CDK10: variants seen among roughly 807,000 people sequenced by gnomAD.
CDK10 encodes the protein cyclin-dependent kinase 10.
In CDK10, 55 loss-of-function variants were observed where a neutral mutation model predicts 51.0. The observed-to-expected ratio is 1.08, with a 90% CI of 0.87 to 1.35. The LOEUF is 1.35. Ranked by LOEUF, CDK10 falls within the 40% of genes most tolerant of loss-of-function variation. The probability of loss-of-function intolerance (pLI) is 0.00; values close to 1 mark genes in which losing one functional copy is unlikely to be tolerated. For missense variants in CDK10, 589 were observed against 485.1 expected, an observed-to-expected ratio of 1.21 and a Z score of -2.01; for synonymous variants, 255 against 199.1, an observed-to-expected ratio of 1.28 and a Z score of -2.36.
chr16:89,693,291 A>G lies in CDK10; in HGVS notation c.503A>G (p.Asn168Ser), dbSNP rs56340740. The G allele has an allele frequency of 6.2e-7, 1 of 1,614,132 alleles. No homozygotes were observed. Among genetic ancestry groups the G allele is most frequent in the Non-Finnish European group, 8.5e-7 (1 of 1,180,018 alleles). The change falls in exon 7 of 13, where the codon AAC (asparagine) becomes AGC (serine). Residue 168 changes from asparagine (N) to serine (S), a missense_variant. By Grantham distance (46) the Asn-to-Ser change is conservative. Coordinates refer to ENST00000353379, the MANE Select transcript of CDK10 (RefSeq NM_052988.5). ...FIIHRDLKVS[N>S]LLMTDKGCVK... ...CATCACAGGGACCTGAAGGTTTCCA[A>G]CTTGCTCATGACCGACAAGGGTTGT...
intron 4 of CDK10, 108 bp from the exon 5 acceptor site, chr16:89,691,697 AG>A: frequency 7.8e-7 from 1 of 1,277,154 alleles, no homozygotes; most frequent in Non-Finnish European, 1.1e-6. Flanking sequence ...CCATTGTCTG[AG>A]GGGGACACAG....
intron 6 of CDK10, 101 bp from the exon 7 acceptor site, chr16:89,693,173 C>T: frequency 1.0e-6 from 1 of 1,002,844 alleles, no homozygotes; most frequent in Non-Finnish European, 1.5e-6. Flanking sequence ...AAGCCCAAAG[C>T]TGAGGAAACG....
chr16:89,693,153 A>T, intron 6 of CDK10, 121 bp from the exon 7 acceptor site: 6 of 757,860 alleles, frequency 7.9e-6, no homozygotes, highest in Non-Finnish European at 1.3e-5. Flanking sequence ...AAAAAAAAAA[A>T]GATACTAAAA....
chr16:89,693,341 G>A lies in CDK10; in HGVS notation c.538+15G>A. 3 of 1,614,028 alleles carry A rather than the reference G, an allele frequency of 1.9e-6. No individual in the cohort carries two copies. Among genetic ancestry groups the A allele is most frequent in the Non-Finnish European group, 8.5e-7 (1 of 1,180,010 alleles). Reference sequence around the variant, plus strand: ...TGTGAAGACAGGTGGGTGCAACTTGGGCCAGGCCCTGTCCCTAGATGGCAC... The same window carrying A: ...TGTGAAGACAGGTGGGTGCAACTTGAGCCAGGCCCTGTCCCTAGATGGCAC... On this transcript the variant is annotated intron_variant, in intron 7 of 12. Coordinates refer to ENST00000353379, the MANE Select transcript of CDK10 (RefSeq NM_052988.5).
At chr16:89,693,600 G>A (rs773700549) in intron 8 of CDK10, 133 bp downstream of exon 8, 222 of 871,236 alleles carry the variant, frequency 2.5e-4, no homozygotes, top group Non-Finnish European at 3.7e-4. Flanking sequence ...ACTCAGAAAC[G>A]TTGGGTCTAG....
chr16:89,694,835 TCTGCGCCCGC>T (rs748362078), intron 10 of CDK10, 47 bp downstream of exon 10: 13 of 1,157,610 alleles, frequency 1.1e-5, no homozygotes, highest in Non-Finnish European at 1.5e-5. Context: ...GCCCACGCCC[TCTGCGCCCGC>T]AGCCCCCGCC....
At chr16:89,686,887 C>G (rs1443875470) in intron 1 of CDK10, 90 bp downstream of exon 1, 1 of 1,118,594 alleles carries the variant, frequency 8.9e-7, no homozygotes, top group East Asian at 2.8e-5. Flanking sequence ...CGCTGCCGCG[C>G]CGAGGCTTCC....
At chr16:89,694,491 G>A in intron 9 of CDK10, 174 bp from the exon 10 acceptor site, 1 of 1,221,734 alleles carries the variant, frequency 8.2e-7, no homozygotes, top group Admixed American at 2.0e-5. Flanking sequence ...CGGGAGGCCT[G>A]CGGGGCCCAG....
intron 1 of CDK10, 60 bp downstream of exon 1, chr16:89,686,857 G>T: frequency 7.0e-7 from 1 of 1,435,334 alleles, no homozygotes; most frequent in South Asian, 1.2e-5. Flanking sequence ...GCCCGGCTGG[G>T]TCTGGGGAGC....
chr16:89,694,040 C>A, intron 8 of CDK10, 133 bp from the exon 9 acceptor site: 1 of 831,260 alleles, frequency 1.2e-6, no homozygotes, highest in Non-Finnish European at 2.0e-6. Flanking sequence ...ATCTGCAGGG[C>A]CTGGGGCAGA....
intron 1 of CDK10, chr16:89,687,385 GT>G (rs1193031735): frequency 2.3e-6 from 1 of 437,682 alleles, no homozygotes; most frequent in Non-Finnish European, 4.7e-6. Flanking sequence ...GCTGGTTTGT[GT>G]TTTTAACTGC....
chr16:89,695,740 A>C lies in CDK10; in HGVS notation c.*48A>C. The C allele has an allele frequency of 6.3e-7, 1 of 1,591,362 alleles. No homozygotes were observed. Among genetic ancestry groups the C allele is most frequent in the Admixed American group, 1.7e-5 (1 of 57,412 alleles). Reference sequence around the variant, plus strand: ...TATTCCCACACCAGGTCTTCCGATCAGTGGTGTCTGTGAAGGGTGCCGCGA... The same window carrying C: ...TATTCCCACACCAGGTCTTCCGATCCGTGGTGTCTGTGAAGGGTGCCGCGA... On this transcript the variant is annotated 3_prime_UTR_variant, in exon 13 of 13. Transcript: ENST00000353379.
chr16:89,692,440 T>C lies in CDK10; in HGVS notation c.418-9T>C. The stretch of plus-strand genomic sequence containing the variant: ...TCACCCTGACTGGTACCTCTGACCC[T>C]CTGCACAGGTCAAGTGCATCGTGCT... On this transcript the variant is annotated splice_polypyrimidine_tract_variant and intron_variant, in intron 5 of 12. Transcript: ENST00000353379. The C allele has an allele frequency of 6.4e-7, 1 of 1,571,336 alleles. No individual in the cohort carries two copies. The highest frequency in any genetic ancestry group is 1.2e-5 in the South Asian group (1 of 85,272).
intron 8 of CDK10, 149 bp downstream of exon 8, chr16:89,693,616 C>T (rs1234274751): frequency 4.0e-6 from 3 of 746,016 alleles, no homozygotes; most frequent in Non-Finnish European, 6.7e-6. Context: ...TCTAGGACAG[C>T]CTCCAGGACA....
rs890508691 is a variant in CDK10, at chr16:89,695,084, C to T, written c.932+14C>T. 5 of 1,607,890 alleles carry T rather than the reference C, an allele frequency of 3.1e-6. No individual in the cohort carries two copies. The East Asian group carries it at 6.7e-5, about 22-fold the overall frequency. On this transcript the variant is annotated intron_variant, in intron 11 of 12. Coordinates refer to ENST00000353379, the MANE Select transcript of CDK10 (RefSeq NM_052988.5). ...CCCTAAGAAAAGGTGCTGATCTCTG[C>T]ACGGGGGGCAGGGACCCTCACCACC...
At chr16:89,693,159 T>C in intron 6 of CDK10, 115 bp from the exon 7 acceptor site, 1 of 792,414 alleles carries the variant, frequency 1.3e-6, no homozygotes, top group Non-Finnish European at 2.0e-6. Context: ...AAAAAGATAC[T>C]AAAAAGCCCA....
chr16:89,686,839 G>A (rs753325821), intron 1 of CDK10, 42 bp downstream of exon 1: 3 of 1,542,970 alleles, frequency 1.9e-6, no homozygotes, highest in African/African-American at 2.7e-5. Context: ...CGCCTCGCTA[G>A]CGGCACTGCC....
At chr16:89,687,378 GGTTTGTGTTTTTAACTGCT>G (rs2060239933) in intron 1 of CDK10, 1 of 436,320 alleles carries the variant, frequency 2.3e-6, no homozygotes, top group Non-Finnish European at 4.7e-6. Flanking sequence ...TTTGGCCGCT[GGTTTGTGTTTTTAACTGCT>G]GGCTGGTGCT....
rs371846308 is a variant in CDK10, at chr16:89,695,345, C to T, written c.985C>T (p.Pro329Ser). The change falls in exon 12 of 13, where the codon CCC (proline) becomes TCC (serine). Residue 329 changes from proline to serine, a missense_variant and splice_region_variant. By Grantham distance (74) the Pro-to-Ser change is moderately conservative (BLOSUM62 -1). Transcript: ENST00000353379. ...CTCCTATTTCAAGGAGAAGCCCCTA[C>T]GTGAGTGTGCAGGGTTCCTGACTCG... ...ESSYFKEKPL[P>S]CEPELMPTFP... 75 of 1,612,172 alleles carry T rather than the reference C, an allele frequency of 4.7e-5. No homozygotes were observed. The highest frequency in any genetic ancestry group is 6.7e-5 in the East Asian group (3 of 44,834).
Sources: allele counts gnomAD v4.1 joint callset, GRCh38; gene constraint gnomAD v4.1.1; transcripts MANE v1.5; gene names NCBI Gene and HGNC (gene_info 2026-07-23, HGNC 2026-07-21).